The following GC variants were observed in gnomAD, a reference collection of about 807,000 sequenced individuals.
The protein encoded by GC is vitamin D-binding protein.
A neutral mutation model predicts 56.7 loss-of-function variants in GC; 43 were observed. That is an observed-to-expected ratio of 0.76 (90% CI 0.59 to 0.98). The LOEUF is 0.98. Ranked by LOEUF, GC falls within the 50% of genes least tolerant of loss-of-function variation. The probability of loss-of-function intolerance (pLI) is 0.00; values close to 1 mark genes in which losing one functional copy is unlikely to be tolerated. For synonymous variants in GC, 216 were observed against 202.7 expected, an observed-to-expected ratio of 1.07 and a Z score of -0.56; for missense variants, 529 against 545.9, an observed-to-expected ratio of 0.97 and a Z score of 0.31.
In GC at chr4:71,784,052, C is replaced by G. The variant is rs1302702341; in HGVS notation, c.-34G>C. 1.9e-6 allele frequency: 3 copies of G among 1,590,330 alleles called. No homozygotes were observed. The highest frequency in any genetic ancestry group is 2.3e-5 in the East Asian group (1 of 44,382). ...CAGAGAGTCTTGCAGCACCTCCTCTCTCCTGTAGGTGACCATGTAAAAGTG... is the reference window on the plus strand; with the variant it reads ...CAGAGAGTCTTGCAGCACCTCCTCTGTCCTGTAGGTGACCATGTAAAAGTG... On this transcript the variant is annotated 5_prime_UTR_variant, in exon 1 of 13. Coordinates refer to ENST00000273951, the MANE Select transcript of GC (RefSeq NM_000583.4).
At chr4:71,797,849 T>C (rs978522809) in intron 1 of GC, among the ~76,000 whole-genome samples, 1 of 152,270 alleles carries the variant, frequency 6.6e-6, no homozygotes, top group East Asian at 1.9e-4. Flanking sequence ...TAAGGGTTCA[T>C]TGAGCTTCTC....
At chr4:71,763,962 C>T (rs752706268) in intron 4 of GC, 26 bp from the exon 5 acceptor site, 9 of 1,591,486 alleles carry the variant, frequency 5.7e-6, no homozygotes. Context: ...TAGAATTGGT[C>T]AAAAAATTTG....
intron 1 of GC, among the ~76,000 whole-genome samples, chr4:71,778,582 C>A (rs1467055884): frequency 6.6e-6 from 1 of 151,772 alleles, no homozygotes; most frequent in Non-Finnish European, 1.5e-5. Flanking sequence ...TCCAGAGAAG[C>A]TAGAAATCTA....
At chr4:71,760,689 C>T (rs1426581836) in intron 6 of GC, among the ~76,000 whole-genome samples, 1 of 152,150 alleles carries the variant, frequency 6.6e-6, no homozygotes, top group Non-Finnish European at 1.5e-5. Flanking sequence ...GTGGGAGAAA[C>T]CTGGTGGGAG....
At chr4:71,759,664 A>T (rs753264978) in intron 6 of GC, 1 of 152,122 alleles carries the variant, frequency 6.6e-6, no homozygotes, top group Non-Finnish European at 1.5e-5. Flanking sequence ...ATCTTTTCAT[A>T]TGTTTATTGG....
intron 1 of GC, among the ~76,000 whole-genome samples, chr4:71,777,961 C>G (rs1252412111): frequency 6.6e-6 from 1 of 151,420 alleles, no homozygotes; most frequent in Non-Finnish European, 1.5e-5. Flanking sequence ...GTGCAGCAAA[C>G]CACCATGGAA....
chr4:71,754,547 C>T, intron 9 of GC, 39 bp from the exon 10 acceptor site: 7 of 1,039,514 alleles, frequency 6.7e-6, no homozygotes, highest in South Asian at 1.3e-5. Context: ...AATTATTTGT[C>T]TTGAAACCTT....
intron 3 of GC, among the ~76,000 whole-genome samples, chr4:71,766,745 ATC>A (rs1479256258): frequency 1.3e-5 from 2 of 152,072 alleles, no homozygotes; most frequent in African/African-American, 4.8e-5. Flanking sequence ...TTTTCATCCT[ATC>A]TCTCTTTTCA....
intron 1 of GC, chr4:71,803,782 T>A: frequency 1.5e-6 from 1 of 651,362 alleles, no homozygotes; most frequent in Non-Finnish European, 2.8e-6. Context: ...GAGAAATCAC[T>A]TTCTTATATT....
intron 1 of GC, among the ~76,000 whole-genome samples, chr4:71,797,469 G>C (rs927486816): frequency 1.3e-5 from 2 of 152,246 alleles, no homozygotes; most frequent in African/African-American, 4.8e-5. Context: ...AGTGAGCAAG[G>C]CTCCATGGGC....
chr4:71,753,315 A>G (rs965197756), intron 10 of GC, among the ~76,000 whole-genome samples: 6 of 151,982 alleles, frequency 3.9e-5, no homozygotes, highest in Non-Finnish European at 7.4e-5. Flanking sequence ...GCGGGGGGCA[A>G]TGGGAGGTAA....
intron 6 of GC, among the ~76,000 whole-genome samples, chr4:71,758,663 T>C (rs145743262): frequency 7.1e-4 from 108 of 152,308 alleles, no homozygotes; most frequent in Non-Finnish European, 1.3e-3. Context: ...TGCTATACTA[T>C]TCTCATATTT....
At chr4:71,759,425 T>C (rs1741893288) in intron 6 of GC, 1 of 152,258 alleles carries the variant, frequency 6.6e-6, no homozygotes, top group African/African-American at 2.4e-5. Flanking sequence ...TTCCAATTTC[T>C]ATGCAACTTT....
upstream of GC, among the ~76,000 whole-genome samples, chr4:71,788,443 TA>T (rs1284115618): frequency 6.6e-6 from 1 of 151,596 alleles, no homozygotes; most frequent in Non-Finnish European, 1.5e-5. Flanking sequence ...GAGGAACAAT[TA>T]GAGATAAATT....
intron 12 of GC, among the ~76,000 whole-genome samples, chr4:71,744,612 G>A (rs992898511): frequency 6.6e-6 from 1 of 151,998 alleles, no homozygotes; most frequent in African/African-American, 2.4e-5. Flanking sequence ...ACAACACTAA[G>A]GAAATGCACT....
chr4:71,755,083 C>A lies in GC; in HGVS notation c.1059G>T (p.Arg353Ser). 1 of 1,587,106 alleles carries A rather than the reference C, an allele frequency of 6.3e-7. No homozygotes were observed. Among genetic ancestry groups the A allele is most frequent in the Non-Finnish European group, 8.6e-7 (1 of 1,162,172 alleles). Residue 353 changes from arginine to serine, a missense_variant, in exon 9 of 13, where the codon AGG becomes AGT. Coordinates refer to ENST00000273951, the MANE Select transcript of GC (RefSeq NM_000583.4). ...TGAGGAATACTTCCGGAAGATGAGT[C>A]CTTCTGCTTAGTTCAAATGTATACC... ...MDKYTFELSR[R>S]THLPEVFLSK...
chr4:71,796,117 A>C (rs551900373), intron 1 of GC, among the ~76,000 whole-genome samples: 1 of 152,056 alleles, frequency 6.6e-6, no homozygotes, highest in Non-Finnish European at 1.5e-5. Flanking sequence ...ACCTTGGTGG[A>C]TCTGATCTGA....
chr4:71,787,764 A>T (rs960173726), upstream of GC, among the ~76,000 whole-genome samples: 1 of 151,900 alleles, frequency 6.6e-6, no homozygotes, highest in African/African-American at 2.4e-5. Context: ...GAGAGTGGTA[A>T]TTGACTAGAC....
intron 11 of GC, among the ~76,000 whole-genome samples, chr4:71,746,705 C>T (rs968909342): frequency 1.5e-5 from 2 of 131,104 alleles, no homozygotes; most frequent in African/African-American, 5.9e-5. Flanking sequence ...AAGCAGGAGG[C>T]ACAACAAGTC....
Sources: allele counts gnomAD v4.1 joint callset (sites outside exome capture counted in the v4.1 genomes callset), GRCh38; gene constraint gnomAD v4.1.1; transcripts MANE v1.5; gene names NCBI Gene and HGNC (gene_info 2026-07-23, HGNC 2026-07-21).